Variants in APOOL observed in about 807,000 individuals in gnomAD.
APOOL encodes MICOS complex subunit MIC27.
In APOOL, 12 loss-of-function variants were observed where a neutral mutation model predicts 23.1. That is an observed-to-expected ratio of 0.52 (90% confidence interval 0.33 to 0.84). The LOEUF (loss-of-function observed/expected upper bound fraction) is 0.84. APOOL is among the 40% of genes least tolerant of loss of function. The probability of loss-of-function intolerance (pLI) is 0.02; values close to 1 mark genes in which losing one functional copy is unlikely to be tolerated. For missense variants in APOOL, 212 were observed against 199.6 expected (o/e 1.06, Z -0.37); for synonymous variants, 77 against 69.9 (o/e 1.10, Z -0.51).
At chrX:85,011,522 G>A (rs943518455) in intron 1 of APOOL, among the ~76,000 whole-genome samples, 34 of 111,624 alleles carry the variant, frequency 3.0e-4, no homozygotes, top group African/African-American at 1.0e-3. Context: ...TGTATAAGGT[G>A]AGAGATAAGG....
At chrX:85,056,572 T>G (rs771865927) in intron 5 of APOOL, among the ~76,000 whole-genome samples, 1 of 110,192 alleles carries the variant, frequency 9.1e-6, no homozygotes, top group South Asian at 3.9e-4. Context: ...GGAGAAACCC[T>G]GTCTCTACTA....
chrX:85,040,432 G>A (rs1602757098), intron 1 of APOOL, among the ~76,000 whole-genome samples: 1 of 111,962 alleles, frequency 8.9e-6, no homozygotes. Context: ...GAATTTGAAT[G>A]TTGACCTTTC....
intron 4 of APOOL, 106 bp from the exon 5 acceptor site, chrX:85,055,721 C>T: frequency 1.9e-6 from 1 of 513,176 alleles, no homozygotes; most frequent in Admixed American, 5.0e-5. Flanking sequence ...AATATTTAAA[C>T]CTCATTATTA....
intron 8 of APOOL, among the ~76,000 whole-genome samples, chrX:85,087,323 C>A (rs1428814412): frequency 9.0e-6 from 1 of 111,111 alleles, no homozygotes; most frequent in Non-Finnish European, 1.9e-5. Context: ...GCTCATGTAT[C>A]ACCTTTCCAG....
At position 85,034,832 on chromosome X, in the gene APOOL, T is replaced by G. The variant is rs1387558971; in HGVS notation, c.16-11614T>G. ...GATGCATAGTATTCCATGGTGTATA[T>G]GTATCTCATTTTCTATATTCAGTAC... On this transcript the variant is annotated intron_variant, in intron 1 of 8. Transcript: ENST00000373173. Among the ~76,000 whole-genome samples the G allele has an allele frequency of 3.3e-4, 37 of 112,304 alleles. No individual in the cohort carries two copies. In the Admixed American group the frequency reaches 3.5e-3, roughly 11 times the overall value.
At chrX:85,065,977 G>A (rs996977985) in intron 5 of APOOL, among the ~76,000 whole-genome samples, 11 of 110,794 alleles carry the variant, frequency 9.9e-5, no homozygotes, top group Admixed American at 1.9e-4. Flanking sequence ...CCCACCACCC[G>A]CCACCTCAGT....
At chrX:85,024,794 C>A (rs1416226591) in intron 1 of APOOL, among the ~76,000 whole-genome samples, 1 of 112,314 alleles carries the variant, frequency 8.9e-6, no homozygotes, top group African/African-American at 3.2e-5. Flanking sequence ...AGCATATTTC[C>A]CAGTTTTCAC....
At chrX:85,052,775 C>T (rs1177038794) in intron 3 of APOOL, among the ~76,000 whole-genome samples, 1 of 111,308 alleles carries the variant, frequency 9.0e-6, no homozygotes, top group Non-Finnish European at 1.9e-5. Context: ...CTGAATCATG[C>T]CCCTATGACT....
rs1467128598 is a variant in APOOL at position 85,088,056 on chromosome X, A to G, written c.*378A>G. On this transcript the variant is annotated 3_prime_UTR_variant, in exon 9 of 9. Coordinates refer to ENST00000373173, the MANE Select transcript of APOOL (RefSeq NM_198450.6). ...TACATGTATAAATACGTATTTATACATATATGTATAAATACATATACATAT... is the reference window on the plus strand; with the variant it reads ...TACATGTATAAATACGTATTTATACGTATATGTATAAATACATATACATAT... 6.7e-5 allele frequency: 1 copy of G among 14,951 alleles called. No homozygotes were observed. The highest frequency in any genetic ancestry group is 1.0e-4 in the Non-Finnish European group (1 of 9,616). The allele number at this position is 14,951 out of a possible 1,213,427, so 1.2% of individuals were successfully genotyped here.
intron 1 of APOOL, among the ~76,000 whole-genome samples, chrX:85,009,126 A>G (rs1219237743): frequency 3.6e-5 from 4 of 111,533 alleles, no homozygotes; most frequent in African/African-American, 9.8e-5. Flanking sequence ...CCCTGAGTTT[A>G]TTTATTAGTT....
At chrX:85,025,435 C>T (rs771701112) in intron 1 of APOOL, among the ~76,000 whole-genome samples, 1 of 111,913 alleles carries the variant, frequency 8.9e-6, no homozygotes, top group African/African-American at 3.2e-5. Context: ...ATCGTACTTT[C>T]CCAACAGTCC....
chrX:85,007,644 T>C (rs1921122689), intron 1 of APOOL, among the ~76,000 whole-genome samples: 1 of 111,353 alleles, frequency 9.0e-6, no homozygotes, highest in African/African-American at 3.3e-5. Context: ...TCGGGTCTTC[T>C]GGAATCGGGG....
chrX:85,062,607 A>G (rs1346594053), intron 5 of APOOL, among the ~76,000 whole-genome samples: 3 of 111,770 alleles, frequency 2.7e-5, no homozygotes, highest in Non-Finnish European at 5.6e-5. Context: ...TTTTCCCAGC[A>G]CCATTTATTA....
chrX:85,012,927 C>T (rs1384088132), intron 1 of APOOL, among the ~76,000 whole-genome samples: 1 of 111,733 alleles, frequency 8.9e-6, no homozygotes, highest in Non-Finnish European at 1.9e-5. Flanking sequence ...GGTACCAATT[C>T]TTCTTTGAGT....
chrX:85,059,681 G>T (rs1923117983), intron 5 of APOOL, among the ~76,000 whole-genome samples: 2 of 110,176 alleles, frequency 1.8e-5, no homozygotes, highest in South Asian at 7.7e-4. Flanking sequence ...GTCTTCTTTT[G>T]AGAAGTGTCT....
chrX:85,023,116 C>T (rs1168653187), intron 1 of APOOL, among the ~76,000 whole-genome samples: 1 of 111,594 alleles, frequency 9.0e-6, no homozygotes, highest in African/African-American at 3.3e-5. Flanking sequence ...TCAGATATTC[C>T]TTCATAACAA....
At chrX:85,004,192 G>T (rs1034554997) in intron 1 of APOOL, among the ~76,000 whole-genome samples, 1 of 111,715 alleles carries the variant, frequency 9.0e-6, no homozygotes, top group Non-Finnish European at 1.9e-5. Context: ...GGAAACGGCT[G>T]GGTGAAAATG....
At chrX:85,041,179 T>G (rs1003178111) in intron 1 of APOOL, among the ~76,000 whole-genome samples, 17 of 111,830 alleles carry the variant, frequency 1.5e-4, no homozygotes, top group Non-Finnish European at 3.0e-4. Context: ...GTGGCTGTAC[T>G]GGGGACCCTG....
chrX:85,032,968 T>C (rs1249634503), intron 1 of APOOL, among the ~76,000 whole-genome samples: 1 of 112,216 alleles, frequency 8.9e-6, no homozygotes, highest in Non-Finnish European at 1.9e-5. Flanking sequence ...CCAATTGTAA[T>C]ATGTTGTGTT....
Sources: allele counts gnomAD v4.1 joint callset (sites outside exome capture counted in the v4.1 genomes callset), GRCh38; gene constraint gnomAD v4.1.1; transcripts MANE v1.5; gene names NCBI Gene and HGNC (gene_info 2026-07-23, HGNC 2026-07-21).